LDLRAD4: variants seen among roughly 807,000 people sequenced by gnomAD.
LDLRAD4 encodes low-density lipoprotein receptor class A domain-containing protein 4.
A neutral mutation model predicts 17.0 loss-of-function variants in LDLRAD4; 5 were observed. The ratio of observed to expected loss-of-function variants is 0.29; its 90% CI spans 0.15 to 0.62. The LOEUF (loss-of-function observed/expected upper bound fraction) is 0.62. LDLRAD4 is among the 20% of genes least tolerant of loss of function. LDLRAD4 has a pLI of 0.84. For missense variants in LDLRAD4, 340 were observed against 424.7 expected (o/e 0.80, Z 1.75); for synonymous variants, 168 against 171.8 (o/e 0.98, Z 0.17).
intron 3 of LDLRAD4, among the ~76,000 whole-genome samples, chr18:13,559,833 C>T (rs2094522167): frequency 6.6e-6 from 1 of 152,150 alleles, no homozygotes; most frequent in African/African-American, 2.4e-5. Flanking sequence ...CGGGAGATCT[C>T]TGATGCCTCT....
At chr18:13,347,904 C>A (rs1166197719) in intron 1 of LDLRAD4, among the ~76,000 whole-genome samples, 1 of 152,166 alleles carries the variant, frequency 6.6e-6, no homozygotes. Flanking sequence ...AGTTCTCGTG[C>A]CATGGTTTTC....
At chr18:13,224,431 G>A (rs1457478967) in intron 1 of LDLRAD4, among the ~76,000 whole-genome samples, 3 of 146,898 alleles carry the variant, frequency 2.0e-5, no homozygotes, top group African/African-American at 7.5e-5. Flanking sequence ...GAGGGATCCA[G>A]TTCATCCCAG....
chr18:13,487,116 T>A (rs2093245396), intron 3 of LDLRAD4: 1 of 152,244 alleles, frequency 6.6e-6, no homozygotes, highest in Non-Finnish European at 1.5e-5. Context: ...CTTTTTTCCT[T>A]ACATGAAACT....
chr18:13,454,407 G>T (rs992651772), intron 3 of LDLRAD4, among the ~76,000 whole-genome samples: 1 of 152,194 alleles, frequency 6.6e-6, no homozygotes, highest in South Asian at 2.1e-4. Flanking sequence ...GGAATTTTGA[G>T]TGTCTGGCTT....
intron 3 of LDLRAD4, among the ~76,000 whole-genome samples, chr18:13,455,811 G>GGT (rs2092102247): frequency 6.6e-6 from 1 of 152,148 alleles, no homozygotes; most frequent in Non-Finnish European, 1.5e-5. Flanking sequence ...AGCAACTCTT[G>GGT]GTGGTGCTAA....
chr18:13,324,915 T>G lies in LDLRAD4; in HGVS notation c.-383+46727T>G, dbSNP rs569929286. 3.3e-5 allele frequency among the ~76,000 whole-genome samples: 5 copies of G among 152,304 alleles called. No homozygotes were observed. The East Asian group carries it at 9.6e-4, about 29-fold the overall frequency. ...TTGATTTTCGCTCACTGAATACATGTGACATGTGAAAGGAGGGGTAGAGGG... is the reference window on the plus strand; with the variant it reads ...TTGATTTTCGCTCACTGAATACATGGGACATGTGAAAGGAGGGGTAGAGGG... On this transcript the variant is annotated intron_variant, in intron 1 of 5. Transcript: ENST00000359446.
At chr18:13,391,885 A>G (rs2086300578) in intron 2 of LDLRAD4, among the ~76,000 whole-genome samples, 1 of 152,240 alleles carries the variant, frequency 6.6e-6, no homozygotes. Flanking sequence ...AAATTGCTGC[A>G]TAATATTTTC....
chr18:13,486,432 A>G (rs1337426130), intron 3 of LDLRAD4: 1 of 152,250 alleles, frequency 6.6e-6, no homozygotes, highest in Non-Finnish European at 1.5e-5. Flanking sequence ...GTTTTGTCAC[A>G]TGTATAGATA....
At chr18:13,407,874 G>A (rs897173506) in intron 2 of LDLRAD4, among the ~76,000 whole-genome samples, 2 of 152,118 alleles carry the variant, frequency 1.3e-5, no homozygotes, top group Non-Finnish European at 2.9e-5. Flanking sequence ...TGTATTAATT[G>A]TTCTAAGAAC....
intron 3 of LDLRAD4, among the ~76,000 whole-genome samples, chr18:13,473,259 G>A (rs1224075189): frequency 2.0e-5 from 3 of 152,194 alleles, no homozygotes; most frequent in Non-Finnish European, 4.4e-5. Flanking sequence ...GTAAGAAAGA[G>A]CACGTGGCCT....
chr18:13,425,404 T>C (rs1055057819), intron 2 of LDLRAD4, among the ~76,000 whole-genome samples: 1 of 152,244 alleles, frequency 6.6e-6, no homozygotes, highest in Non-Finnish European at 1.5e-5. Context: ...GTCTCATTTA[T>C]GCCAATTATT....
Position 13,621,618 on chromosome 18 carries a change from A to G in LDLRAD4, c.336+347A>G, listed in dbSNP as rs1458104769. Among the ~76,000 whole-genome samples the G allele has an allele frequency of 6.6e-6, 1 of 152,154 alleles. No individual in the cohort carries two copies. Among genetic ancestry groups the G allele is most frequent in the African/African-American group, 2.4e-5 (1 of 41,442 alleles). On this transcript the variant is annotated intron_variant, in intron 4 of 5. Coordinates refer to ENST00000359446, the Ensembl canonical transcript of LDLRAD4. This position sits in a 1 kb window ranked among gnomAD's most constrained non-coding sequence, Gnocchi z 5.5. ...CCTGGCTCCTCTGGCTTGGCAGTGCACTTGTGAGATTCATTGTGTTGTAAA... is the reference window on the plus strand; with the variant it reads ...CCTGGCTCCTCTGGCTTGGCAGTGCGCTTGTGAGATTCATTGTGTTGTAAA...
At chr18:13,624,324 G>A (rs1289983354) in intron 4 of LDLRAD4, among the ~76,000 whole-genome samples, 1 of 152,232 alleles carries the variant, frequency 6.6e-6, no homozygotes, top group Admixed American at 6.5e-5. Flanking sequence ...TTTGGGGTCT[G>A]GTCTGGGACT....
chr18:13,362,578 C>G (rs2083748593), intron 1 of LDLRAD4: 1 of 152,204 alleles, frequency 6.6e-6, no homozygotes, highest in African/African-American at 2.4e-5. Flanking sequence ...ACATTTCTAG[C>G]TGGACCTTAA....
chr18:13,404,963 G>A (rs1412025116), intron 2 of LDLRAD4, among the ~76,000 whole-genome samples: 1 of 151,972 alleles, frequency 6.6e-6, no homozygotes, highest in Admixed American at 6.6e-5. Context: ...AAAAAGCAGT[G>A]TGAGCGAAAC....
In LDLRAD4 at chr18:13,549,819, G is replaced by A. The variant is rs569946254; in HGVS notation, c.182-71298G>A. Among the ~76,000 whole-genome samples the A allele has an allele frequency of 2.6e-5, 4 of 152,170 alleles. No individual in the cohort carries two copies. The South Asian group carries it at 6.3e-4, about 24-fold the overall frequency. ...GTCTTGCTTCCTTGTTTTTTCTGGG[G>A]AAGCCAGCAGCAGACAGGTCAAGAA... On this transcript the variant is annotated intron_variant, in intron 3 of 5. Transcript: ENST00000359446.
At chr18:13,328,880 A>ATTTTAAGCAAAATTTT (rs1410743445) in intron 1 of LDLRAD4, among the ~76,000 whole-genome samples, 1 of 152,216 alleles carries the variant, frequency 6.6e-6, no homozygotes, top group African/African-American at 2.4e-5. Context: ...TAAGCATATA[A>ATTTTAAGCAAAATTTT]AATAAACATA....
chr18:13,639,696 T>G (rs2042361978), intron 4 of LDLRAD4, among the ~76,000 whole-genome samples: 1 of 152,196 alleles, frequency 6.6e-6, no homozygotes, highest in South Asian at 2.1e-4. Flanking sequence ...CAGCATGTTG[T>G]AGTTATAATG....
chr18:13,333,410 T>C (rs1475913858), intron 1 of LDLRAD4, among the ~76,000 whole-genome samples: 4 of 152,348 alleles, frequency 2.6e-5, no homozygotes, highest in Admixed American at 6.5e-5. Flanking sequence ...CAGAAGTCTT[T>C]AATTTTAATG....
Sources: gnomAD v4.1 joint callset for allele counts (sites outside exome capture counted in the v4.1 genomes callset) on GRCh38, gnomAD v4.1.1 for gene constraint, Gnocchi (gnomAD v3.1) non-coding constraint, MANE v1.5 for transcripts, NCBI Gene and HGNC (gene_info 2026-07-23, HGNC 2026-07-21) for gene names.